The following KDM4B variants were observed in gnomAD, a reference collection of about 807,000 sequenced individuals.
KDM4B encodes lysine demethylase 4B.
KDM4B carries 32 observed loss-of-function variants against 125.2 expected under a neutral mutation model. The ratio of observed to expected loss-of-function variants is 0.26; its 90% confidence interval spans 0.19 to 0.34. The LOEUF (loss-of-function observed/expected upper bound fraction) is 0.34, where lower values mean the gene tolerates loss of function less well. Ranked by LOEUF, KDM4B falls within the 10% of genes least tolerant of loss-of-function variation. KDM4B has a pLI of 1.00. For synonymous variants in KDM4B, 721 were observed against 677.9 expected (o/e 1.06, Z -0.99); for missense variants, 1,190 against 1,577.7 (o/e 0.75, Z 4.16).
chr19:5,085,666 A>G (rs1026238250), intron 9 of KDM4B, among the ~76,000 whole-genome samples: 1 of 151,378 alleles, frequency 6.6e-6, no homozygotes, highest in Non-Finnish European at 1.5e-5. Flanking sequence ...TTCCTCCTGG[A>G]CCCCCCAGCC....
intron 9 of KDM4B, among the ~76,000 whole-genome samples, chr19:5,091,448 G>T (rs2145917370): frequency 6.6e-6 from 1 of 152,220 alleles, no homozygotes; most frequent in Admixed American, 6.5e-5. Context: ...AGCTTGGGAA[G>T]GGGACGATGA....
intron 6 of KDM4B, among the ~76,000 whole-genome samples, chr19:5,056,814 C>T (rs981672097): frequency 3.1e-5 from 4 of 130,208 alleles, no homozygotes; most frequent in African/African-American, 5.7e-5. Flanking sequence ...AGCCCTGGGG[C>T]GGGGAGTCCT....
chr19:5,094,825 C>CG (rs1491397919), intron 9 of KDM4B, among the ~76,000 whole-genome samples: 1 of 152,218 alleles, frequency 6.6e-6, no homozygotes, highest in African/African-American at 2.4e-5. Context: ...ACCCTCCACT[C>CG]CTCAGTCAGG....
chr19:5,035,711 C>T lies in KDM4B; in HGVS notation c.141+2680C>T, dbSNP rs948014444. Among the ~76,000 whole-genome samples, 9 of 152,080 alleles carry T rather than the reference C, an allele frequency of 5.9e-5. No individual in the cohort carries two copies. The highest frequency in any genetic ancestry group is 3.3e-4 in the Admixed American group (5 of 15,270). On this transcript the variant is annotated intron_variant, in intron 3 of 22. Transcript: ENST00000159111. This position sits in a 1 kb window ranked among gnomAD's most constrained non-coding sequence, Gnocchi z 5.3. ...TATGGTTTCCCTGCCTTGCGTTCTGCGTGTTCCTTCCCATGCCTCTGCAGC... is the reference window on the plus strand; with the variant it reads ...TATGGTTTCCCTGCCTTGCGTTCTGTGTGTTCCTTCCCATGCCTCTGCAGC...
chr19:5,003,745 G>T (rs1209562001), intron 1 of KDM4B, among the ~76,000 whole-genome samples: 2 of 152,144 alleles, frequency 1.3e-5, no homozygotes, highest in African/African-American at 2.4e-5. Context: ...GGAGGTGGAG[G>T]TTGTAGTGAG....
At chr19:5,091,819 G>A (rs2038712415) in intron 9 of KDM4B, among the ~76,000 whole-genome samples, 1 of 152,182 alleles carries the variant, frequency 6.6e-6, no homozygotes, top group Non-Finnish European at 1.5e-5. Flanking sequence ...CTGACCCGCT[G>A]GAGCCCACGG....
chr19:5,018,917 G>A (rs2035973540), intron 2 of KDM4B, among the ~76,000 whole-genome samples: 1 of 152,232 alleles, frequency 6.6e-6, no homozygotes, highest in Non-Finnish European at 1.5e-5. Context: ...TGGCTGAGTC[G>A]CGTTCTGCTG....
chr19:5,109,503 G>GCC (rs536138106), intron 9 of KDM4B, among the ~76,000 whole-genome samples: 5 of 152,104 alleles, frequency 3.3e-5, no homozygotes, highest in Non-Finnish European at 7.3e-5. Flanking sequence ...CGGCAGGTCT[G>GCC]CCCGGCAGGC....
chr19:5,117,431 G>C (rs772140240), intron 10 of KDM4B, among the ~76,000 whole-genome samples: 1 of 152,124 alleles, frequency 6.6e-6, no homozygotes, highest in Non-Finnish European at 1.5e-5. Flanking sequence ...GTGCTGTCTG[G>C]GACCAGGGCG....
chr19:4,993,423 AAAG>A (rs2035091815), intron 1 of KDM4B, among the ~76,000 whole-genome samples: 1 of 151,760 alleles, frequency 6.6e-6, no homozygotes, highest in Admixed American at 6.6e-5. Context: ...GAAAAAAAAA[AAAG>A]AAAGTGAAGG....
chr19:5,090,770 G>A (rs1460684244), intron 9 of KDM4B, among the ~76,000 whole-genome samples: 2 of 149,676 alleles, frequency 1.3e-5, no homozygotes, highest in Non-Finnish European at 3.0e-5. Context: ...CAGGAGGCTG[G>A]GCCCAGCACA....
At chr19:5,079,390 G>T (rs749072515) in intron 8 of KDM4B, among the ~76,000 whole-genome samples, 1 of 152,224 alleles carries the variant, frequency 6.6e-6, no homozygotes, top group Non-Finnish European at 1.5e-5. Flanking sequence ...CCACCAGGAT[G>T]CAGGTTTTCT....
chr19:5,101,985 G>C (rs1007687306), intron 9 of KDM4B, among the ~76,000 whole-genome samples: 1 of 152,186 alleles, frequency 6.6e-6, no homozygotes, highest in Non-Finnish European at 1.5e-5. Context: ...GGAGTCCAGC[G>C]AGGAGGGGCA....
In KDM4B at chr19:5,127,206, C is replaced by G. The variant is rs142228294; in HGVS notation, c.1316-3870C>G. Reference sequence around the variant, plus strand: ...CATGGTCCCTGCTCTGTCCTGAAGCCCCTCACCCGCTTCCCTCCCTCAGGC... The same window carrying G: ...CATGGTCCCTGCTCTGTCCTGAAGCGCCTCACCCGCTTCCCTCCCTCAGGC... On this transcript the variant is annotated intron_variant, in intron 11 of 22. Transcript: ENST00000159111. 1.7e-3 allele frequency among the ~76,000 whole-genome samples: 263 copies of G among 152,312 alleles called. 4 individuals are homozygous for G. Among genetic ancestry groups the G allele is most frequent in the African/African-American group, 6.0e-3 (248 of 41,572 alleles).
intron 6 of KDM4B, among the ~76,000 whole-genome samples, chr19:5,048,197 T>A (rs910610429): frequency 5.3e-5 from 8 of 152,114 alleles, no homozygotes; most frequent in Admixed American, 4.6e-4. Flanking sequence ...GCCCGGGAGG[T>A]GCCGGGTGCA....
intron 6 of KDM4B, among the ~76,000 whole-genome samples, chr19:5,060,465 G>GAGCCATGATTGTTCTCCA (rs2037557697): frequency 3.0e-5 from 1 of 32,894 alleles, no homozygotes; most frequent in Admixed American, 3.4e-4. Context: ...AAAAAAAAAG[G>GAGCCATGATTGTTCTCCA]GAGCCATGAT....
chr19:5,150,916 A>G (rs2146125612), intron 22 of KDM4B, among the ~76,000 whole-genome samples: 1 of 152,332 alleles, frequency 6.6e-6, no homozygotes, highest in South Asian at 2.1e-4. Flanking sequence ...GAGGCAGCGG[A>G]GGCAGCTCCA....
At chr19:5,091,572 C>T (rs1568292762) in intron 9 of KDM4B, among the ~76,000 whole-genome samples, 1 of 152,204 alleles carries the variant, frequency 6.6e-6, no homozygotes, top group South Asian at 2.1e-4. Context: ...CAGGCCTCTC[C>T]TAAAACCCCA....
intron 11 of KDM4B, among the ~76,000 whole-genome samples, chr19:5,120,489 G>T (rs1390454766): frequency 7.2e-6 from 1 of 138,078 alleles, no homozygotes; most frequent in Non-Finnish European, 1.6e-5. Context: ...CTCTCCCGGG[G>T]CTGGCAAGAC....
Sources: allele counts gnomAD v4.1 joint callset (sites outside exome capture counted in the v4.1 genomes callset), GRCh38; gene constraint gnomAD v4.1.1; non-coding constraint Gnocchi (gnomAD v3.1); transcripts MANE v1.5; gene names NCBI Gene and HGNC (gene_info 2026-07-23, HGNC 2026-07-21).